The following SLC44A5 variants were observed in gnomAD, a reference collection of about 807,000 sequenced individuals.
SLC44A5 encodes solute carrier family 44 member 5, also known as choline transporter-like protein 5.
In SLC44A5, 57 loss-of-function variants were observed where a neutral mutation model predicts 101.8. The ratio of observed to expected loss-of-function variants is 0.56; its 90% CI spans 0.45 to 0.70. SLC44A5 has a LOEUF of 0.70. SLC44A5 is among the 30% of genes least tolerant of loss of function. SLC44A5 has a pLI of 0.00. For missense variants in SLC44A5, 737 were observed against 853.1 expected (o/e 0.86, Z 1.70); for synonymous variants, 281 against 290.9 (o/e 0.97, Z 0.35).
intron 3 of SLC44A5, among the ~76,000 whole-genome samples, chr1:75,385,370 G>A (rs1333565854): frequency 6.6e-6 from 1 of 151,372 alleles, no homozygotes. Flanking sequence ...AAATGATAAA[G>A]GGGATATCGC....
intron 3 of SLC44A5, among the ~76,000 whole-genome samples, chr1:75,385,037 C>T (rs1288307213): frequency 3.3e-5 from 5 of 152,196 alleles, no homozygotes; most frequent in South Asian, 2.1e-4. Flanking sequence ...ATACCAGAAT[C>T]TCTGGGACAC....
intron 4 of SLC44A5, among the ~76,000 whole-genome samples, chr1:75,334,179 C>G (rs763510725): frequency 1.3e-5 from 2 of 152,140 alleles, no homozygotes; most frequent in Non-Finnish European, 2.9e-5. Flanking sequence ...TAATTGATGT[C>G]CTATCTAGAA....
At chr1:75,358,425 A>G (rs1332127325) in intron 3 of SLC44A5, among the ~76,000 whole-genome samples, 4 of 152,108 alleles carry the variant, frequency 2.6e-5, no homozygotes, top group Non-Finnish European at 5.9e-5. Context: ...ATTTTTTAAA[A>G]CTTTTTTCTA....
chr1:75,683,203 CCT>C, the SLC44A5 span, among the ~76,000 whole-genome samples: 1 of 151,088 alleles, frequency 6.6e-6, no homozygotes, highest in Admixed American at 6.6e-5. Context: ...TGTGGCGATT[CCT>C]CTGGGATCTA....
At chr1:75,543,638 C>A (rs1023570456) in intron 1 of SLC44A5, among the ~76,000 whole-genome samples, 4 of 143,314 alleles carry the variant, frequency 2.8e-5, no homozygotes, top group African/African-American at 1.0e-4. Context: ...CGTATATATA[C>A]ACATATATAT....
the SLC44A5 span, among the ~76,000 whole-genome samples, chr1:75,678,375 G>C: frequency 6.6e-6 from 1 of 152,176 alleles, no homozygotes; most frequent in African/African-American, 2.4e-5. Flanking sequence ...TGACAGCTTT[G>C]AAGAGAGCAG....
intron 1 of SLC44A5, among the ~76,000 whole-genome samples, chr1:75,587,602 A>T (rs1674085793): frequency 6.6e-6 from 1 of 152,120 alleles, no homozygotes. Context: ...TTGGTAATAA[A>T]TTTTTTTGAT....
chr1:75,582,189 C>T (rs573038139), intron 1 of SLC44A5: 1 of 893,782 alleles, frequency 1.1e-6, no homozygotes, highest in Non-Finnish European at 1.9e-6. Flanking sequence ...ATACGAATCT[C>T]TTAAGGGGTG....
At chr1:75,718,825 T>A in the SLC44A5 span, among the ~76,000 whole-genome samples, 1 of 152,142 alleles carries the variant, frequency 6.6e-6, no homozygotes, top group Admixed American at 6.5e-5. Flanking sequence ...TCAAGAAAAC[T>A]TTTTTGTTTT....
chr1:75,370,521 T>A (rs1660154852), intron 3 of SLC44A5, among the ~76,000 whole-genome samples: 1 of 152,164 alleles, frequency 6.6e-6, no homozygotes, highest in African/African-American at 2.4e-5. Context: ...ATAGGATAAG[T>A]ATTTTGGACC....
intron 1 of SLC44A5, among the ~76,000 whole-genome samples, chr1:75,603,664 T>G (rs2102157344): frequency 6.6e-6 from 1 of 151,970 alleles, no homozygotes; most frequent in East Asian, 1.9e-4. Flanking sequence ...TAAATTTTAA[T>G]AATAGTTATT....
At chr1:75,679,677 A>T in the SLC44A5 span, among the ~76,000 whole-genome samples, 1 of 152,302 alleles carries the variant, frequency 6.6e-6, no homozygotes, top group East Asian at 1.9e-4. Flanking sequence ...TGTAAAGACC[A>T]TCGAGACTAG....
intron 5 of SLC44A5, among the ~76,000 whole-genome samples, chr1:75,276,175 G>A (rs941204197): frequency 7.9e-5 from 12 of 152,002 alleles, no homozygotes; most frequent in Admixed American, 7.2e-4. Context: ...GGCCAAATTG[G>A]TTTCATCTTC....
intron 6 of SLC44A5, among the ~76,000 whole-genome samples, chr1:75,273,932 A>C (rs1330850971): frequency 6.6e-6 from 1 of 152,132 alleles, no homozygotes; most frequent in East Asian, 1.9e-4. Flanking sequence ...ATCTTTCGGA[A>C]TAGTTTTAGT....
chr1:75,588,211 T>TGAAGGAAGGAAGGAGGGAGGGAGG (rs1674129664), intron 1 of SLC44A5, among the ~76,000 whole-genome samples: 2 of 121,360 alleles, frequency 1.6e-5, no homozygotes, highest in African/African-American at 6.4e-5. Context: ...AAAGAAGGGA[T>TGAAGGAAGGAAGGAGGGAGGGAGG]GAAGGAAGGA....
intron 2 of SLC44A5, among the ~76,000 whole-genome samples, chr1:75,431,856 C>T (rs1009132346): frequency 3.3e-5 from 5 of 152,064 alleles, no homozygotes; most frequent in East Asian, 1.9e-4. Flanking sequence ...GTATAATTTG[C>T]GTATTTCCTA....
At chr1:75,663,056 T>C in the SLC44A5 span, among the ~76,000 whole-genome samples, 1 of 152,088 alleles carries the variant, frequency 6.6e-6, no homozygotes, top group Non-Finnish European at 1.5e-5. Flanking sequence ...TATGACCAAA[T>C]AGCACACAAA....
At chr1:75,547,940 C>A (rs994886614) in intron 1 of SLC44A5, among the ~76,000 whole-genome samples, 1 of 152,142 alleles carries the variant, frequency 6.6e-6, no homozygotes, top group East Asian at 1.9e-4. Flanking sequence ...GAATTAAATT[C>A]CCAGAACCCT....
intron 6 of SLC44A5, among the ~76,000 whole-genome samples, chr1:75,259,593 T>G (rs1650314448): frequency 6.6e-6 from 1 of 152,126 alleles, no homozygotes. Flanking sequence ...GGAACCAAGT[T>G]GGAAAACACT....
Sources: gnomAD v4.1 joint callset for allele counts (sites outside exome capture counted in the v4.1 genomes callset) on GRCh38, gnomAD v4.1.1 for gene constraint, MANE v1.5 for transcripts, NCBI Gene and HGNC (gene_info 2026-07-23, HGNC 2026-07-21) for gene names.